Variants in ZMYM4 observed in about 807,000 individuals in gnomAD.
ZMYM4 encodes the protein zinc finger MYM-type containing 4.
A neutral mutation model predicts 183.2 loss-of-function variants in ZMYM4; 31 were observed. The observed-to-expected ratio is 0.17, with a 90% CI of 0.13 to 0.23. The LOEUF is 0.23. Among genes scored for constraint, ZMYM4 ranks in the 10% least tolerant of loss-of-function variants. The pLI is 1.00. For missense variants in ZMYM4, 1,273 were observed against 1,840.3 expected (o/e 0.69, Z 5.64); for synonymous variants, 592 against 631.2 (o/e 0.94, Z 0.93).
intron 2 of ZMYM4, chr1:35,351,063 G>A (rs1172745481): frequency 4.1e-5 from 35 of 846,848 alleles, no homozygotes; most frequent in Non-Finnish European, 2.0e-6. Flanking sequence ...GTTTGGCATG[G>A]ACAAGATCTG....
chr1:35,374,779 G>A (rs1021512590), intron 7 of ZMYM4, among the ~76,000 whole-genome samples: 4 of 151,168 alleles, frequency 2.6e-5, no homozygotes, highest in East Asian at 3.9e-4. Context: ...CCTCTTTCTC[G>A]TTTTAAAAAA....
intron 2 of ZMYM4, chr1:35,350,888 CAG>C (rs1643580783): frequency 1.6e-6 from 1 of 617,136 alleles, no homozygotes; most frequent in Middle Eastern, 4.8e-4. Flanking sequence ...ATTTGTGTAA[CAG>C]AGATATCATT....
At chr1:35,312,134 A>G (rs960889983) in intron 1 of ZMYM4, among the ~76,000 whole-genome samples, 1 of 152,066 alleles carries the variant, frequency 6.6e-6, no homozygotes, top group South Asian at 2.1e-4. Context: ...CTGACTGTTC[A>G]AAGATTTTTG....
At chr1:35,269,318 T>TC (rs1639474835) in intron 1 of ZMYM4, among the ~76,000 whole-genome samples, 2 of 150,370 alleles carry the variant, frequency 1.3e-5, no homozygotes, top group South Asian at 2.1e-4. Flanking sequence ...TTTGCCTTCC[T>TC]CCCCCCGACG....
chr1:35,311,752 G>A (rs1641811262), intron 1 of ZMYM4, among the ~76,000 whole-genome samples: 1 of 152,112 alleles, frequency 6.6e-6, no homozygotes, highest in Non-Finnish European at 1.5e-5. Context: ...GGTTAAAGAA[G>A]TGAAAAATAA....
chr1:35,279,237 A>G (rs1640024022), intron 1 of ZMYM4, among the ~76,000 whole-genome samples: 2 of 152,236 alleles, frequency 1.3e-5, no homozygotes, highest in South Asian at 4.1e-4. Context: ...AAATCCCAGA[A>G]GTAAGACACT....
At chr1:35,371,843 C>G (rs940867339) in intron 7 of ZMYM4, among the ~76,000 whole-genome samples, 1 of 151,942 alleles carries the variant, frequency 6.6e-6, no homozygotes, top group African/African-American at 2.4e-5. Flanking sequence ...TTGAAATGAC[C>G]GACAGGGTAA....
chr1:35,276,244 GTCCCTCCC>G lies in ZMYM4; in HGVS notation c.39+7171_39+7178del, dbSNP rs879286193. 2.4e-3 allele frequency among the ~76,000 whole-genome samples: 354 copies of G among 147,894 alleles called. 2 individuals carry two copies. The highest frequency in any genetic ancestry group is 7.8e-3 in the African/African-American group (312 of 40,034). On this transcript the variant is annotated intron_variant, in intron 1 of 29. Coordinates refer to ENST00000314607, the MANE Select transcript of ZMYM4 (RefSeq NM_005095.3). ...CTGTCTCATCTAACTACTCATTTCT[GTCCCTCCC>G]TCCCTCCCTCCTTCCCTCCCTCCCT...
intron 26 of ZMYM4, among the ~76,000 whole-genome samples, chr1:35,411,224 G>T (rs1266904129): frequency 2.7e-5 from 4 of 147,192 alleles, no homozygotes; most frequent in African/African-American, 1.0e-4. Flanking sequence ...CTTGATCTTG[G>T]CTCACTGCAA....
intron 2 of ZMYM4, among the ~76,000 whole-genome samples, chr1:35,332,294 T>G (rs908812967): frequency 6.6e-6 from 1 of 152,152 alleles, no homozygotes; most frequent in African/African-American, 2.4e-5. Flanking sequence ...GCATTCTGAT[T>G]ACTGGTATGT....
intron 2 of ZMYM4, among the ~76,000 whole-genome samples, chr1:35,341,573 G>A (rs541486332): frequency 7.3e-5 from 11 of 151,448 alleles, no homozygotes; most frequent in African/African-American, 2.2e-4. Flanking sequence ...TAGTCAGGGT[G>A]TTACTTAATT....
chr1:35,405,492 G>A, intron 25 of ZMYM4, 24 bp downstream of exon 25: 1 of 1,518,318 alleles, frequency 6.6e-7, no homozygotes, highest in Non-Finnish European at 8.9e-7. Flanking sequence ...CTCTCCATTT[G>A]GTATGAATTA....
intron 10 of ZMYM4, 25 bp from the exon 11 acceptor site, chr1:35,386,049 T>C (rs1302717822): frequency 1.3e-6 from 2 of 1,522,250 alleles, no homozygotes; most frequent in Non-Finnish European, 1.8e-6. Flanking sequence ...ATATTACTCA[T>C]TGGTTTTTAT....
chr1:35,324,326 T>C (rs1329995462), intron 1 of ZMYM4, among the ~76,000 whole-genome samples: 2 of 152,114 alleles, frequency 1.3e-5, no homozygotes, highest in African/African-American at 2.4e-5. Flanking sequence ...CTTGATCTCC[T>C]GACCTTGTGA....
intron 9 of ZMYM4, among the ~76,000 whole-genome samples, chr1:35,381,961 A>C (rs1644467406): frequency 6.6e-6 from 1 of 152,056 alleles, no homozygotes. Flanking sequence ...CCTGACCAAC[A>C]TGGAGAAACC....
rs76070181 is a variant in ZMYM4 at position 35,343,012 on chromosome 1, A to G, written c.86-15913A>G. On this transcript the variant is annotated intron_variant, in intron 2 of 29. Transcript: ENST00000314607. ...ATTCTTCATGTATACTAGTTTGGAT[A>G]CAAGTCTCAATAGATAGACTGATAG... Among the ~76,000 whole-genome samples, 427 of 152,190 alleles carry G rather than the reference A, an allele frequency of 2.8e-3. 1 individual carries two copies. Among genetic ancestry groups the G allele is most frequent in the African/African-American group, 9.8e-3 (407 of 41,518 alleles).
At chr1:35,281,265 CAG>C (rs1466992308) in intron 1 of ZMYM4, among the ~76,000 whole-genome samples, 33 of 148,796 alleles carry the variant, frequency 2.2e-4, no homozygotes, top group African/African-American at 7.7e-4. Flanking sequence ...GCCTGGGTGA[CAG>C]AGCGAGACTC....
At position 35,421,271 on chromosome 1, in the gene ZMYM4, A is replaced by G. The variant is rs1382016520; in HGVS notation, c.*1594A>G. On this transcript the variant is annotated 3_prime_UTR_variant, in exon 30 of 30. Coordinates refer to ENST00000314607, the MANE Select transcript of ZMYM4 (RefSeq NM_005095.3). ...TGGTTCTGTCCCTCTGCCTGTAACA[A>G]ATCTCATTTTTGTTACCAAGAACTG... The G allele has an allele frequency of 6.6e-6, 1 of 152,660 alleles. No individual in the cohort carries two copies. The highest frequency in any genetic ancestry group is 2.4e-5 in the African/African-American group (1 of 41,464). 9.5% of individuals were successfully genotyped at this position (152,660 alleles called of 1,614,324 possible).
In ZMYM4 at chr1:35,332,375, C is replaced by A. The variant is rs146438530; in HGVS notation, c.85+6970C>A. On this transcript the variant is annotated intron_variant, in intron 2 of 29. Coordinates refer to ENST00000314607, the MANE Select transcript of ZMYM4 (RefSeq NM_005095.3). ...ATTAAGCTCAAGGATTCAATGGCTC[C>A]GGTGTTCAGAAAGGGTATACTGGGG... Among the ~76,000 whole-genome samples the A allele has an allele frequency of 8.0e-5, 12 of 150,460 alleles. 2 individuals are homozygous for A. The highest frequency in any genetic ancestry group is 2.4e-4 in the African/African-American group (10 of 41,022).
Sources: gnomAD v4.1 joint callset for allele counts (sites outside exome capture counted in the v4.1 genomes callset) on GRCh38, gnomAD v4.1.1 for gene constraint, MANE v1.5 for transcripts, NCBI Gene and HGNC (gene_info 2026-07-23, HGNC 2026-07-21) for gene names.